Variants in CSMD1 observed in about 807,000 individuals in gnomAD.
CSMD1 encodes the protein CUB and Sushi multiple domains 1.
Under a neutral mutation model 417.5 loss-of-function variants are expected in CSMD1, and 213 were observed. That is an observed-to-expected ratio of 0.51 (90% CI 0.46 to 0.57). The LOEUF (loss-of-function observed/expected upper bound fraction) is 0.57, where lower values mean the gene tolerates loss of function less well. Among genes scored for constraint, CSMD1 ranks in the 20% least tolerant of loss-of-function variants. The probability of loss-of-function intolerance (pLI) is 0.00; values close to 1 mark genes in which losing one functional copy is unlikely to be tolerated. For missense variants in CSMD1, 6,923 were observed against 4,529.7 expected, an observed-to-expected ratio of 1.53 and a Z score of -15.17; for synonymous variants, 2,862 against 1,736.8, an observed-to-expected ratio of 1.65 and a Z score of -16.11.
intron 49 of CSMD1, among the ~76,000 whole-genome samples, chr8:3,054,347 G>A (rs1438052599): frequency 6.6e-6 from 1 of 152,236 alleles, no homozygotes; most frequent in Non-Finnish European, 1.5e-5. Context: ...GCCGGGCACA[G>A]TGGCTCATGC....
At chr8:3,514,956 T>C (rs1258495337) in intron 10 of CSMD1, among the ~76,000 whole-genome samples, 2 of 152,224 alleles carry the variant, frequency 1.3e-5, no homozygotes, top group Non-Finnish European at 2.9e-5. Flanking sequence ...ATAAATATTA[T>C]TGGAATATAT....
intron 5 of CSMD1, among the ~76,000 whole-genome samples, chr8:3,929,955 C>A (rs1191341578): frequency 6.6e-6 from 1 of 150,432 alleles, no homozygotes; most frequent in Non-Finnish European, 1.5e-5. Flanking sequence ...ATGTGAGACA[C>A]TGTGCACAGC....
intron 2 of CSMD1, among the ~76,000 whole-genome samples, chr8:4,624,662 G>A (rs972947078): frequency 3.3e-5 from 5 of 152,126 alleles, no homozygotes; most frequent in African/African-American, 1.2e-4. Flanking sequence ...AGCAGCAGCT[G>A]CTCTGTTTAC....
intron 3 of CSMD1, among the ~76,000 whole-genome samples, chr8:4,060,186 C>G (rs990371933): frequency 8.5e-5 from 13 of 152,052 alleles, no homozygotes; most frequent in Admixed American, 7.2e-4. Context: ...GAACCAAAGA[C>G]AAAAACCACA....
chr8:4,155,452 A>C (rs928603579), intron 3 of CSMD1, among the ~76,000 whole-genome samples: 2 of 152,216 alleles, frequency 1.3e-5, no homozygotes, highest in African/African-American at 4.8e-5. Flanking sequence ...TTGGGAAATG[A>C]AAATATGGTA....
intron 6 of CSMD1, among the ~76,000 whole-genome samples, chr8:3,743,140 G>A (rs888782313): frequency 2.6e-5 from 4 of 152,106 alleles, no homozygotes; most frequent in African/African-American, 7.2e-5. Flanking sequence ...GTGTCATGAA[G>A]GTCTTCAGGC....
chr8:4,664,853 C>G (rs907016554), intron 1 of CSMD1, among the ~76,000 whole-genome samples: 3 of 151,996 alleles, frequency 2.0e-5, no homozygotes, highest in African/African-American at 7.2e-5. Flanking sequence ...TACATCCATC[C>G]AAACTTTATA....
At chr8:4,118,747 T>C (rs776182203) in intron 3 of CSMD1, among the ~76,000 whole-genome samples, 2 of 152,192 alleles carry the variant, frequency 1.3e-5, no homozygotes, top group East Asian at 3.9e-4. Flanking sequence ...ACTGGGTATA[T>C]GCCCAAAGGA....
intron 33 of CSMD1, among the ~76,000 whole-genome samples, chr8:3,196,491 T>C (rs1242803221): frequency 6.6e-6 from 1 of 152,192 alleles, no homozygotes; most frequent in Non-Finnish European, 1.5e-5. Context: ...AGAACCTCTC[T>C]TGGGGTCTGG....
intron 2 of CSMD1, among the ~76,000 whole-genome samples, chr8:4,471,787 A>G (rs976076618): frequency 4.6e-5 from 7 of 152,112 alleles, no homozygotes; most frequent in African/African-American, 1.7e-4. Context: ...CTGAGGAGCA[A>G]TATATAGATG....
intron 3 of CSMD1, among the ~76,000 whole-genome samples, chr8:4,173,005 A>G (rs1001563913): frequency 6.6e-6 from 1 of 152,182 alleles, no homozygotes; most frequent in Non-Finnish European, 1.5e-5. Flanking sequence ...AAACCTTGAA[A>G]TAATAAATGC....
At chr8:4,210,881 C>T (rs1461424645) in intron 3 of CSMD1, among the ~76,000 whole-genome samples, 2 of 152,158 alleles carry the variant, frequency 1.3e-5, no homozygotes, top group East Asian at 1.9e-4. Flanking sequence ...TTCTTGGTCC[C>T]TCAGACCATA....
At chr8:3,244,196 C>G (rs1799729059) in intron 26 of CSMD1, among the ~76,000 whole-genome samples, 1 of 152,148 alleles carries the variant, frequency 6.6e-6, no homozygotes, top group Non-Finnish European at 1.5e-5. Context: ...TGGCTCCTGG[C>G]TAGGCAGAGA....
chr8:3,445,299 G>A (rs565719889), intron 12 of CSMD1, among the ~76,000 whole-genome samples: 5 of 152,050 alleles, frequency 3.3e-5, no homozygotes, highest in African/African-American at 1.2e-4. Context: ...CGTCACTAAG[G>A]TAAGGGTACT....
chr8:3,592,981 C>G (rs1362070115), intron 8 of CSMD1, among the ~76,000 whole-genome samples: 3 of 152,210 alleles, frequency 2.0e-5, no homozygotes, highest in Non-Finnish European at 4.4e-5. Flanking sequence ...CGCAGGCACC[C>G]CATCCCAAGG....
chr8:3,723,054 G>A (rs1267709970), intron 6 of CSMD1, among the ~76,000 whole-genome samples: 2 of 152,176 alleles, frequency 1.3e-5, no homozygotes, highest in Non-Finnish European at 2.9e-5. Flanking sequence ...AACTAGCGCA[G>A]CTGCTTTCTT....
At chr8:4,703,816 A>G (rs1048915833) in intron 1 of CSMD1, among the ~76,000 whole-genome samples, 4 of 152,182 alleles carry the variant, frequency 2.6e-5, no homozygotes, top group Non-Finnish European at 5.9e-5. Context: ...AACAGTCCCC[A>G]GCATTTTTGG....
At chr8:4,209,380 C>G (rs1585027264) in intron 3 of CSMD1, among the ~76,000 whole-genome samples, 1 of 152,148 alleles carries the variant, frequency 6.6e-6, no homozygotes, top group East Asian at 1.9e-4. Context: ...TCCCATCCTT[C>G]TGATGCCGAA....
intron 1 of CSMD1, among the ~76,000 whole-genome samples, chr8:4,734,662 T>C (rs986232159): frequency 1.3e-5 from 2 of 152,218 alleles, no homozygotes; most frequent in African/African-American, 4.8e-5. Flanking sequence ...TTAACAATGA[T>C]TCTTAGCTCT....
Sources: gnomAD v4.1 joint callset for allele counts (sites outside exome capture counted in the v4.1 genomes callset) on GRCh38, gnomAD v4.1.1 for gene constraint, MANE v1.5 for transcripts, NCBI Gene and HGNC (gene_info 2026-07-23, HGNC 2026-07-21) for gene names.